Variants in PABIR3 observed in about 807,000 individuals in gnomAD.
PABIR3 encodes the protein PABIR family member 1.
Under a neutral mutation model 23.1 loss-of-function variants are expected in PABIR3, and 20 were observed. The ratio of observed to expected loss-of-function variants is 0.86; its 90% CI spans 0.61 to 1.26. The LOEUF is 1.26. Ranked by LOEUF, PABIR3 falls within the 50% of genes most tolerant of loss-of-function variation. The pLI, the probability that PABIR3 is intolerant of heterozygous loss-of-function variation, is 0.00. For missense variants in PABIR3, 189 were observed against 195.4 expected (o/e 0.97, Z 0.20); for synonymous variants, 69 against 68.5 (o/e 1.01, Z -0.04).
intron 4 of PABIR3, among the ~76,000 whole-genome samples, chrX:134,831,074 T>C (rs2081757884): frequency 1.8e-5 from 2 of 109,416 alleles, no homozygotes; most frequent in Admixed American, 9.9e-5. Context: ...TTTTTTTTTT[T>C]CTTTGTTTTT....
chrX:134,823,830 T>C (rs1159540268), intron 3 of PABIR3, among the ~76,000 whole-genome samples: 2 of 110,603 alleles, frequency 1.8e-5, no homozygotes, highest in African/African-American at 3.3e-5. Context: ...AATGGGCACG[T>C]AAATATTTTT....
chrX:134,846,914 GAAT>G, intron 6 of PABIR3, among the ~76,000 whole-genome samples: 1 of 112,107 alleles, frequency 8.9e-6, no homozygotes, highest in African/African-American at 3.2e-5. Context: ...TTAAAATCCT[GAAT>G]TATGAAGTAC....
intron 4 of PABIR3, among the ~76,000 whole-genome samples, chrX:134,840,307 G>A (rs1366709805): frequency 9.2e-6 from 1 of 109,271 alleles, no homozygotes; most frequent in Non-Finnish European, 1.9e-5. Context: ...CTATTGTCCT[G>A]AGACCCTGCC....
chrX:134,855,359 G>A (rs1409888767), downstream of PABIR3, among the ~76,000 whole-genome samples: 1 of 109,683 alleles, frequency 9.1e-6, no homozygotes, highest in Non-Finnish European at 1.9e-5. Flanking sequence ...GCGTGAATCC[G>A]GGAGGTGGAG....
downstream of PABIR3, among the ~76,000 whole-genome samples, chrX:134,856,808 C>T (rs909845394): frequency 1.8e-5 from 2 of 110,159 alleles, no homozygotes; most frequent in African/African-American, 3.3e-5. Flanking sequence ...GTCAAGAGTT[C>T]GAGACCAGCC....
chrX:134,814,966 G>C (rs998903567), intron 3 of PABIR3, 117 bp downstream of exon 3: 1 of 536,037 alleles, frequency 1.9e-6, no homozygotes, highest in Non-Finnish European at 3.0e-6. Flanking sequence ...GATGGCCAGC[G>C]GGAGTCTCAC....
At chrX:134,814,872 C>A (rs2080888055) in intron 3 of PABIR3, 23 bp downstream of exon 3, 1 of 1,102,180 alleles carries the variant, frequency 9.1e-7, no homozygotes. Context: ...TTATAGTGGC[C>A]TCCCTGTCTA....
In PABIR3 at chrX:134,807,675, G is replaced by A. The variant is rs2080317685; in HGVS notation, c.77G>A (p.Arg26Lys). The change falls in exon 2 of 11, where the codon AGA (arginine) becomes AAA (lysine). Residue 26 changes from arginine (R) to lysine (K), a missense_variant. Physicochemically the swap from Arg to Lys is conservative, Grantham distance 26. Transcript: ENST00000645433. The stretch of plus-strand genomic sequence containing the variant: ...ACCGCAGACGGCAACATTCTGAGAA[G>A]AGTCAACAGTGCCCCTTTGATCAAT... ...STTADGNILR[R>K]VNSAPLINGL... 1 of 1,203,579 alleles carries A rather than the reference G, an allele frequency of 8.3e-7. No individual in the cohort carries two copies. Among genetic ancestry groups the A allele is most frequent in the African/African-American group, 1.8e-5 (1 of 57,050 alleles).
intron 2 of PABIR3, chrX:134,810,382 TACAG>T (rs1165658396): frequency 1.3e-6 from 1 of 753,019 alleles, no homozygotes; most frequent in Non-Finnish European, 1.6e-6. Context: ...GTAAAATTTG[TACAG>T]AAAGATAAGG....
upstream of PABIR3, chrX:134,807,088 C>T (rs1249567236): frequency 5.7e-6 from 4 of 696,017 alleles, no homozygotes; most frequent in East Asian, 6.2e-4. Flanking sequence ...GGTTTCTTAA[C>T]TGCGCGTGCG....
Position 134,829,275 on chromosome X carries a change from T to G in PABIR3, c.239T>G (p.Ile80Ser). 3 of 1,206,713 alleles carry G rather than the reference T, an allele frequency of 2.5e-6. No homozygotes were observed. The East Asian group carries it at 8.9e-5, about 36-fold the overall frequency. ...GGTTCCATCAGCCGCCTTCATCAAA[T>G]CAAACAGGTAAGAAGACTTTCCAAA... The part of the protein sequence containing the change: ...FHGSISRLHQ[I>S]KQEEAMDLIN... The change falls in exon 4 of 11, where the codon ATC (isoleucine) becomes AGC (serine). Residue 80 changes from isoleucine to serine, a missense_variant. Transcript: ENST00000645433.
chrX:134,847,930 G>T lies in PABIR3; in HGVS notation c.486G>T (p.Ser162=), dbSNP rs764092732. Residue 162 remains serine (S), a synonymous_variant, in exon 8 of 11, where the codon TCG becomes TCT. Transcript: ENST00000645433. ...SLQTCVSCTG[S]PSSPIPSPMQ... ...AAACTTGTGTGAGTTGCACTGGTTCGCCTTCAAGTCCTATTCCCAGTCCTA... is the reference window on the plus strand; with the variant it reads ...AAACTTGTGTGAGTTGCACTGGTTCTCCTTCAAGTCCTATTCCCAGTCCTA... The T allele has an allele frequency of 8.7e-7, 1 of 1,154,719 alleles. No individual in the cohort carries two copies. Among genetic ancestry groups the T allele is most frequent in the South Asian group, 1.9e-5 (1 of 52,654 alleles).
chrX:134,826,318 C>A (rs1040385651), intron 3 of PABIR3, among the ~76,000 whole-genome samples: 2 of 111,602 alleles, frequency 1.8e-5, no homozygotes, highest in African/African-American at 6.5e-5. Context: ...GAAGGTCCAA[C>A]TGAAATACCA....
chrX:134,821,244 T>TAAAAAAAA, intron 3 of PABIR3: 5 of 570,950 alleles, frequency 8.8e-6, no homozygotes, highest in Non-Finnish European at 1.2e-5. Context: ...CCAAGCATTG[T>TAAAAAAAA]AAAAAAAAAA....
intron 10 of PABIR3, 119 bp from the exon 11 acceptor site, chrX:134,853,970 CTT>C: frequency 9.4e-6 from 7 of 743,144 alleles, no homozygotes; most frequent in Non-Finnish European, 1.2e-5. Context: ...TCTTAAAAAA[CTT>C]TGCTTGTGAC....
intron 4 of PABIR3, among the ~76,000 whole-genome samples, chrX:134,841,296 C>T (rs778018328): frequency 9.0e-6 from 1 of 111,091 alleles, no homozygotes; most frequent in Non-Finnish European, 1.9e-5. Flanking sequence ...TCACACCACT[C>T]TTCTATTATG....
intron 10 of PABIR3, 131 bp from the exon 11 acceptor site, chrX:134,853,960 T>C: frequency 3.0e-6 from 2 of 658,676 alleles, no homozygotes; most frequent in South Asian, 3.2e-5. Context: ...ATTGTATGAC[T>C]CTTAAAAAAC....
At chrX:134,812,606 A>G (rs1486959654) in intron 2 of PABIR3, among the ~76,000 whole-genome samples, 1 of 111,545 alleles carries the variant, frequency 9.0e-6, no homozygotes, top group African/African-American at 3.3e-5. Flanking sequence ...GGAGCTTAAG[A>G]TAAGTGCGTA....
intron 2 of PABIR3, among the ~76,000 whole-genome samples, chrX:134,808,683 T>C (rs966542544): frequency 2.7e-5 from 3 of 111,941 alleles, no homozygotes; most frequent in African/African-American, 9.7e-5. Flanking sequence ...CCCGGCCTAA[T>C]TTTTTGTATT....
Sources: allele counts gnomAD v4.1 joint callset (sites outside exome capture counted in the v4.1 genomes callset), GRCh38; gene constraint gnomAD v4.1.1; transcripts MANE v1.5; gene names NCBI Gene and HGNC (gene_info 2026-07-23, HGNC 2026-07-21).